PLEKHO2: variants seen among roughly 807,000 people sequenced by gnomAD.
PLEKHO2 encodes pleckstrin homology domain containing O2.
Under a neutral mutation model 32.7 loss-of-function variants are expected in PLEKHO2, and 20 were observed. The ratio of observed to expected loss-of-function variants is 0.61; its 90% CI spans 0.43 to 0.89. The LOEUF is 0.89. Among genes scored for constraint, PLEKHO2 ranks in the 40% least tolerant of loss-of-function variants. PLEKHO2 has a pLI of 0.00. For synonymous variants in PLEKHO2, 247 were observed against 246.3 expected, an observed-to-expected ratio of 1.00 and a Z score of -0.03; for missense variants, 568 against 621.2, an observed-to-expected ratio of 0.91 and a Z score of 0.91.
intron 3 of PLEKHO2, among the ~76,000 whole-genome samples, chr15:64,855,512 A>C (rs832879): frequency 0.71 from 107,518 of 152,112 alleles, 38,834 homozygotes; most frequent in East Asian, 0.94. Flanking sequence ...ACCCTGGACT[A>C]AGGACTAGGA....
At chr15:64,862,673 G>T (rs79241517) in intron 5 of PLEKHO2, among the ~76,000 whole-genome samples, 1,672 of 152,274 alleles carry the variant, frequency 0.011, 30 homozygotes, top group African/African-American at 0.038. Flanking sequence ...AGAGAGATGG[G>T]CACAAGACCT....
intron 2 of PLEKHO2, 36 bp from the exon 3 acceptor site, chr15:64,854,885 G>T: frequency 6.5e-7 from 1 of 1,543,544 alleles, no homozygotes; most frequent in African/African-American, 1.4e-5. Context: ...GGGTCTGACT[G>T]TCACCAGCTC....
intron 2 of PLEKHO2, among the ~76,000 whole-genome samples, chr15:64,852,454 A>G (rs748718024): frequency 1.2e-4 from 19 of 152,242 alleles, no homozygotes; most frequent in Non-Finnish European, 2.2e-4. Context: ...AGAGTCGATT[A>G]GTAGTTATCC....
intron 2 of PLEKHO2, among the ~76,000 whole-genome samples, chr15:64,852,687 C>A (rs2140340832): frequency 6.6e-6 from 1 of 151,872 alleles, no homozygotes; most frequent in Admixed American, 6.5e-5. Context: ...GTGGTGCTAT[C>A]TCGGCTCTCT....
At position 64,848,687 on chromosome 15, in the gene PLEKHO2, G is replaced by C. The variant is rs777393034; in HGVS notation, c.107G>C (p.Trp36Ser). The part of the protein sequence containing the change: ...KKSSGGLLGF[W>S]KDRYLLLCQA... ...AGCAGTGGGGGCCTCCTGGGTTTCT[G>C]GAAAGACCGATATCTGCTCCTCTGC... The change falls in exon 2 of 6, where the codon TGG becomes TCG. Residue 36 changes from tryptophan to serine, a missense_variant. Trp to Ser is a radical substitution (Grantham distance 177, BLOSUM62 -3). Coordinates refer to ENST00000323544, the MANE Select transcript of PLEKHO2 (RefSeq NM_025201.5). 1 of 1,614,138 alleles carries C rather than the reference G, an allele frequency of 6.2e-7. No individual in the cohort carries two copies.
chr15:64,847,238 C>T (rs540245368), intron 1 of PLEKHO2, among the ~76,000 whole-genome samples: 87 of 152,318 alleles, frequency 5.7e-4, no homozygotes, highest in Admixed American at 1.2e-3. Flanking sequence ...CAGTGCACCA[C>T]GCTTACATCT....
At chr15:64,859,362 C>A (rs536785950) in intron 3 of PLEKHO2, among the ~76,000 whole-genome samples, 3 of 152,334 alleles carry the variant, frequency 2.0e-5, no homozygotes, top group Admixed American at 2.0e-4. Flanking sequence ...GTGGACTGTC[C>A]TGCTCAGAGG....
Position 64,848,719 on chromosome 15 carries a change from C to G in PLEKHO2, c.139C>G (p.Gln47Glu). Residue 47 changes from glutamine (Q) to glutamate (E), a missense_variant, in exon 2 of 6, where the codon CAG becomes GAG. Physicochemically the swap from Gln to Glu is conservative, Grantham distance 29. Transcript: ENST00000323544. ...KDRYLLLCQA[Q>E]LLVYENEDDQ... ...CCGATATCTGCTCCTCTGCCAGGCC[C>G]AGCTGCTGGTCTATGAGAATGAGGT... 1 of 1,614,114 alleles carries G rather than the reference C, an allele frequency of 6.2e-7. No homozygotes were observed. Among genetic ancestry groups the G allele is most frequent in the African/African-American group, 1.3e-5 (1 of 75,016 alleles).
intron 1 of PLEKHO2, among the ~76,000 whole-genome samples, chr15:64,847,144 G>A (rs553106580): frequency 6.6e-6 from 1 of 152,148 alleles, no homozygotes; most frequent in Non-Finnish European, 1.5e-5. Flanking sequence ...AGTTCAAAAG[G>A]GGGTGGGGGC....
At chr15:64,854,420 C>T (rs1252264464) in intron 2 of PLEKHO2, among the ~76,000 whole-genome samples, 1 of 152,206 alleles carries the variant, frequency 6.6e-6, no homozygotes, top group Non-Finnish European at 1.5e-5. Context: ...GAGCACAATT[C>T]AGGATGGCTG....
At position 64,864,934 on chromosome 15, in the gene PLEKHO2, G is replaced by A; in HGVS notation, c.519G>A (p.Leu173=). ...ASAASDGLLR[L]DLDVPDSGPP... ...CAGCTTCTGACGGTCTTCTGCGCCT[G>A]GATCTTGATGTTCCGGACAGTGGGC... The change falls in exon 6 of 6, where the codon CTG becomes CTA. Residue 173 remains leucine, a synonymous_variant. Coordinates refer to ENST00000323544, the MANE Select transcript of PLEKHO2 (RefSeq NM_025201.5). 1.2e-6 allele frequency: 2 copies of A among 1,613,106 alleles called. No individual in the cohort carries two copies. Among genetic ancestry groups the A allele is most frequent in the South Asian group, 2.2e-5 (2 of 91,052 alleles).
Position 64,866,812 on chromosome 15 carries a change from C to T in PLEKHO2, c.*924C>T, listed in dbSNP as rs1334022217. 1 of 155,724 alleles carries T rather than the reference C, an allele frequency of 6.4e-6. No individual in the cohort carries two copies. The highest frequency in any genetic ancestry group is 1.4e-5 in the Non-Finnish European group (1 of 70,264). 9.6% of individuals were successfully genotyped at this position (155,724 alleles called of 1,614,324 possible). ...TGTGCCTCCTCAGATGGGGATTTAT[C>T]TGGATCTCTGTGGTTCCTTCTCAGC... is the stretch of plus-strand genomic sequence containing the variant. On this transcript the variant is annotated 3_prime_UTR_variant, in exon 6 of 6. Transcript: ENST00000323544.
At chr15:64,855,602 G>A (rs1180322633) in intron 3 of PLEKHO2, among the ~76,000 whole-genome samples, 1 of 152,240 alleles carries the variant, frequency 6.6e-6, no homozygotes, top group Non-Finnish European at 1.5e-5. Flanking sequence ...GCTTGAGAGA[G>A]TCTTTCCCTG....
intron 1 of PLEKHO2, among the ~76,000 whole-genome samples, chr15:64,843,602 C>G (rs536917053): frequency 6.8e-6 from 1 of 146,722 alleles, no homozygotes; most frequent in African/African-American, 2.5e-5. Context: ...TTTTTTGAGA[C>G]GGAGTTTCGC....
chr15:64,844,024 A>C (rs1011669420), intron 1 of PLEKHO2, among the ~76,000 whole-genome samples: 2 of 151,710 alleles, frequency 1.3e-5, no homozygotes, highest in Non-Finnish European at 2.9e-5. Context: ...GGCATCCCTA[A>C]CTCTGCTTTC....
At chr15:64,842,548 A>G (rs1271969762) in intron 1 of PLEKHO2, among the ~76,000 whole-genome samples, 1 of 151,602 alleles carries the variant, frequency 6.6e-6, no homozygotes, top group Non-Finnish European at 1.5e-5. Flanking sequence ...GGATGTGACC[A>G]TGCTTTGGTG....
intron 2 of PLEKHO2, among the ~76,000 whole-genome samples, chr15:64,852,367 G>C (rs937576226): frequency 2.6e-5 from 4 of 152,180 alleles, no homozygotes; most frequent in African/African-American, 9.7e-5. Context: ...AATGAGAAAA[G>C]ATACTTGATT....
At position 64,865,302 on chromosome 15, in the gene PLEKHO2, C is replaced by G. The variant is rs752134930; in HGVS notation, c.887C>G (p.Ser296Cys). 9.3e-6 allele frequency: 15 copies of G among 1,613,810 alleles called. No homozygotes were observed. The highest frequency in any genetic ancestry group is 2.2e-5 in the East Asian group (1 of 44,884). ...ESAEPSQAPC[S>C]ETSEAAPREG... ...GCAGAACCGTCCCAGGCACCCTGTTCTGAGACTTCTGAGGCTGCCCCCAGG... is the reference window on the plus strand; with the variant it reads ...GCAGAACCGTCCCAGGCACCCTGTTGTGAGACTTCTGAGGCTGCCCCCAGG... The change falls in exon 6 of 6, where the codon TCT becomes TGT. Residue 296 changes from serine (S) to cysteine (C), a missense_variant. By Grantham distance (112) the Ser-to-Cys change is moderately radical (BLOSUM62 -1). Transcript: ENST00000323544.
intron 2 of PLEKHO2, among the ~76,000 whole-genome samples, chr15:64,849,339 G>T (rs192044539): frequency 1.3e-5 from 2 of 152,060 alleles, no homozygotes; most frequent in Non-Finnish European, 2.9e-5. Context: ...GTAGAGACAG[G>T]GTTTCACCAA....
Sources: gnomAD v4.1 joint callset for allele counts (sites outside exome capture counted in the v4.1 genomes callset) on GRCh38, gnomAD v4.1.1 for gene constraint, MANE v1.5 for transcripts, NCBI Gene and HGNC (gene_info 2026-07-23, HGNC 2026-07-21) for gene names.